TRABD2B: variants seen among roughly 807,000 people sequenced by gnomAD.
TRABD2B encodes the protein TraB domain containing 2B.
TRABD2B carries 14 observed loss-of-function variants against 40.1 expected under a neutral mutation model. That is an observed-to-expected ratio of 0.35 (90% CI 0.23 to 0.55). TRABD2B has a LOEUF of 0.55. Ranked by LOEUF, TRABD2B falls within the 20% of genes least tolerant of loss-of-function variation. TRABD2B has a pLI of 0.90. For synonymous variants in TRABD2B, 263 were observed against 277.0 expected (o/e 0.95, Z 0.50); for missense variants, 541 against 648.6 (o/e 0.83, Z 1.80).
intron 2 of TRABD2B, among the ~76,000 whole-genome samples, chr1:47,860,935 C>T (rs1643958239): frequency 6.6e-6 from 1 of 152,148 alleles, no homozygotes; most frequent in Non-Finnish European, 1.5e-5. Flanking sequence ...GCCAAATAAG[C>T]CTCTTTTCTT....
chr1:47,825,817 G>T (rs1465367620), intron 2 of TRABD2B, among the ~76,000 whole-genome samples: 2 of 151,924 alleles, frequency 1.3e-5, no homozygotes, highest in Non-Finnish European at 2.9e-5. Flanking sequence ...GCAACTCCCT[G>T]AGGCTCTAAC....
intron 2 of TRABD2B, among the ~76,000 whole-genome samples, chr1:47,983,942 A>G (rs1645879319): frequency 6.6e-6 from 1 of 152,202 alleles, no homozygotes; most frequent in East Asian, 1.9e-4. Context: ...CAAGCAGCTC[A>G]AGAAAGGGAA....
At chr1:47,788,173 T>G (rs1644622470) in intron 4 of TRABD2B, among the ~76,000 whole-genome samples, 1 of 152,158 alleles carries the variant, frequency 6.6e-6, no homozygotes, top group African/African-American at 2.4e-5. Context: ...GCCATATAAG[T>G]TGATGGATAT....
At chr1:47,870,466 C>T (rs113106636) in intron 2 of TRABD2B, among the ~76,000 whole-genome samples, 6,130 of 152,242 alleles carry the variant, frequency 0.04, 178 homozygotes, top group Non-Finnish European at 0.066. Flanking sequence ...CCCCTAGCCT[C>T]AATCAGAATG....
At chr1:47,990,768 G>A (rs1369722784) in intron 2 of TRABD2B, among the ~76,000 whole-genome samples, 3 of 44,938 alleles carry the variant, frequency 6.7e-5, no homozygotes, top group African/African-American at 1.1e-4. Context: ...TAAAACGTTG[G>A]TTTTATATAT....
intron 2 of TRABD2B, among the ~76,000 whole-genome samples, chr1:47,841,340 A>G (rs1380523308): frequency 6.6e-6 from 1 of 152,162 alleles, no homozygotes; most frequent in Non-Finnish European, 1.5e-5. Context: ...CACATACCAG[A>G]TGTTGCAGCA....
intron 2 of TRABD2B, among the ~76,000 whole-genome samples, chr1:47,935,971 G>A (rs1019027185): frequency 1.3e-5 from 2 of 152,218 alleles, no homozygotes; most frequent in Non-Finnish European, 2.9e-5. Flanking sequence ...TCCCTTCTCT[G>A]AGACTCAAAT....
chr1:47,872,828 G>A (rs1644164277), intron 2 of TRABD2B, among the ~76,000 whole-genome samples: 1 of 152,160 alleles, frequency 6.6e-6, no homozygotes, highest in African/African-American at 2.4e-5. Flanking sequence ...GGGCATGGCT[G>A]CTACCTGTGG....
intron 6 of TRABD2B, among the ~76,000 whole-genome samples, chr1:47,770,521 G>A (rs983197188): frequency 1.3e-5 from 2 of 152,190 alleles, no homozygotes; most frequent in African/African-American, 4.8e-5. Flanking sequence ...CTTCATAGCA[G>A]ACCATAGCTG....
chr1:47,994,564 G>A lies in TRABD2B; in HGVS notation c.136C>T (p.Arg46Trp), dbSNP rs1646062757. 2 of 1,535,910 alleles carry A rather than the reference G, an allele frequency of 1.3e-6. No homozygotes were observed. Among genetic ancestry groups the A allele is most frequent in the South Asian group, 1.2e-5 (1 of 84,036 alleles). ...RDLNSFLWTI[R>W]RDPPAYLFGT... ...AACAGGTAGGCCGGAGGATCACGCC[G>A]AATCGTCCACAGGAAGGAGTTCAAG... is the stretch of plus-strand genomic sequence containing the variant. The change falls in exon 2 of 7, where the codon CGG becomes TGG. Residue 46 changes from arginine to tryptophan, a missense_variant. Around this residue, in one of 2 missense-constraint regions of TRABD2B, gnomAD observed 369 missense variants for 492.8 expected, o/e 0.75. Coordinates refer to ENST00000606738, the MANE Select transcript of TRABD2B (RefSeq NM_001194986.2). The surrounding 1 kb of genome is among the most constrained non-coding windows in gnomAD (Gnocchi z 6.7).
chr1:47,939,503 T>C (rs980646424), intron 2 of TRABD2B, among the ~76,000 whole-genome samples: 38 of 152,202 alleles, frequency 2.5e-4, no homozygotes, highest in African/African-American at 8.7e-4. Context: ...CCAGGTGCCA[T>C]GTTCTCTGTT....
intron 2 of TRABD2B, among the ~76,000 whole-genome samples, chr1:47,958,048 C>T (rs1218808970): frequency 6.6e-6 from 1 of 152,146 alleles, no homozygotes; most frequent in Non-Finnish European, 1.5e-5. Flanking sequence ...GAGTAGGGGT[C>T]AATATTCAAC....
At chr1:47,797,206 C>T (rs1644760577) in intron 3 of TRABD2B, among the ~76,000 whole-genome samples, 1 of 152,158 alleles carries the variant, frequency 6.6e-6, no homozygotes, top group Non-Finnish European at 1.5e-5. Flanking sequence ...ATGGGGGTAA[C>T]ACACATTATT....
At chr1:47,852,212 C>A (rs748271864) in intron 2 of TRABD2B, among the ~76,000 whole-genome samples, 3 of 152,110 alleles carry the variant, frequency 2.0e-5, no homozygotes, top group Admixed American at 2.0e-4. Flanking sequence ...GCCCAGACTG[C>A]GGCCTGAGAT....
intron 2 of TRABD2B, among the ~76,000 whole-genome samples, chr1:47,890,651 T>A (rs1052225475): frequency 2.0e-5 from 3 of 152,186 alleles, no homozygotes; most frequent in African/African-American, 7.2e-5. Flanking sequence ...AGGCCTCTCA[T>A]CTGCCAAATG....
intron 6 of TRABD2B, among the ~76,000 whole-genome samples, chr1:47,767,487 C>T (rs1401296274): frequency 6.6e-6 from 1 of 152,198 alleles, no homozygotes; most frequent in Admixed American, 6.5e-5. Context: ...AAGCACTGGC[C>T]ACTCTTTAAC....
At chr1:47,852,668 C>T (rs1237049005) in intron 2 of TRABD2B, among the ~76,000 whole-genome samples, 2 of 152,158 alleles carry the variant, frequency 1.3e-5, no homozygotes, top group Admixed American at 6.5e-5. Flanking sequence ...GTTCCAGGCA[C>T]TGGTTACATA....
intron 2 of TRABD2B, among the ~76,000 whole-genome samples, chr1:47,812,528 C>T (rs1041911756): frequency 6.8e-6 from 1 of 148,036 alleles, no homozygotes; most frequent in African/African-American, 2.5e-5. Context: ...TGAGACAGGC[C>T]TGGGAAACAC....
rs376089681 is a variant in TRABD2B at position 47,969,059 on chromosome 1, T to C, written c.666+24975A>G. Among the ~76,000 whole-genome samples the C allele has an allele frequency of 1.6e-4, 25 of 152,294 alleles. No homozygotes were observed. The East Asian group carries it at 2.7e-3, about 17-fold the overall frequency. On this transcript the variant is annotated intron_variant, in intron 2 of 6. Coordinates refer to ENST00000606738, the MANE Select transcript of TRABD2B (RefSeq NM_001194986.2). ...CATTATAGCCCTGTGTCAAGTCCAA[T>C]AGAGCCTCAGAATCATTCTCAACCC...
Sources: allele counts gnomAD v4.1 joint callset (sites outside exome capture counted in the v4.1 genomes callset), GRCh38; gene constraint gnomAD v4.1.1; regional missense constraint gnomAD v4.1.1; non-coding constraint Gnocchi (gnomAD v3.1); transcripts MANE v1.5; gene names NCBI Gene and HGNC (gene_info 2026-07-23, HGNC 2026-07-21).